HMGCS2: variants seen among roughly 807,000 people sequenced by gnomAD.
HMGCS2 encodes hydroxymethylglutaryl-CoA synthase, mitochondrial.
In HMGCS2, 50 loss-of-function variants were observed where a neutral mutation model predicts 57.4. The ratio of observed to expected loss-of-function variants is 0.87; its 90% CI spans 0.69 to 1.10. The LOEUF (loss-of-function observed/expected upper bound fraction) is 1.10. Among genes scored for constraint, HMGCS2 ranks in the 50% least tolerant of loss-of-function variants. The pLI is 0.00. For synonymous variants in HMGCS2, 254 were observed against 245.1 expected (o/e 1.04, Z -0.34); for missense variants, 627 against 636.5 (o/e 0.99, Z 0.16).
chr1:119,760,468 G>A (rs1653000707), intron 2 of HMGCS2, among the ~76,000 whole-genome samples: 1 of 152,198 alleles, frequency 6.6e-6, no homozygotes, highest in Admixed American at 6.5e-5. Flanking sequence ...GCCTTCCTGA[G>A]AGACTGAGTA....
intron 2 of HMGCS2, among the ~76,000 whole-genome samples, chr1:119,763,854 G>C (rs1467329557): frequency 6.6e-6 from 1 of 152,186 alleles, no homozygotes; most frequent in African/African-American, 2.4e-5. Flanking sequence ...AAATATGTCA[G>C]ATGTGGTTTG....
At chr1:119,761,913 GA>G (rs1653058348) in intron 2 of HMGCS2, among the ~76,000 whole-genome samples, 1 of 152,136 alleles carries the variant, frequency 6.6e-6, no homozygotes, top group Admixed American at 6.6e-5. Context: ...ACAAAGATTA[GA>G]AAGTTTGATA....
At chr1:119,759,563 T>C (rs965721644) in intron 3 of HMGCS2, 2 of 575,136 alleles carry the variant, frequency 3.5e-6, no homozygotes, top group Non-Finnish European at 6.2e-6. Context: ...TATATCCAGT[T>C]ATATATTTTA....
intron 2 of HMGCS2, among the ~76,000 whole-genome samples, chr1:119,761,108 A>G (rs1000438330): frequency 4.7e-5 from 7 of 148,262 alleles, no homozygotes; most frequent in Non-Finnish European, 7.4e-5. Flanking sequence ...TATACAAATA[A>G]TTTATATAAA....
Position 119,764,412 on chromosome 1 carries a change from G to A in HMGCS2, c.319C>T (p.Leu107=). The change falls in exon 2 of 10, where the codon CTG becomes TTG. Residue 107 remains leucine, a synonymous_variant. Coordinates refer to ENST00000369406, the MANE Select transcript of HMGCS2 (RefSeq NM_005518.4). ...SVQEDINSLC[L]TVVQRLMERI... ...TCCATCAGCCGTTGCACCACCGTCA[G>A]GCACAGGGAGTTGATGTCCTCTTGG... 6.2e-7 allele frequency: 1 copy of A among 1,614,268 alleles called. No homozygotes were observed. Among genetic ancestry groups the A allele is most frequent in the Non-Finnish European group, 8.5e-7 (1 of 1,180,048 alleles).
chr1:119,752,677 G>A lies in HMGCS2; in HGVS notation c.1295-3C>T. 6.2e-7 allele frequency: 1 copy of A among 1,614,048 alleles called. No homozygotes were observed. The highest frequency in any genetic ancestry group is 8.5e-7 in the Non-Finnish European group (1 of 1,179,954). ...CACCAACTTGTCCAGGGGAGAGCCT[G>A]GGAAGCAAAAGCAAGATTGTTACAC... On this transcript the variant is annotated splice_region_variant and splice_polypyrimidine_tract_variant and intron_variant, in intron 7 of 9. Coordinates refer to ENST00000369406, the MANE Select transcript of HMGCS2 (RefSeq NM_005518.4).
intron 4 of HMGCS2, 93 bp from the exon 5 acceptor site, chr1:119,757,531 G>A (rs1652889165): frequency 1.3e-6 from 2 of 1,593,542 alleles, no homozygotes; most frequent in Non-Finnish European, 1.7e-6. Context: ...GTTTCTCCAG[G>A]CCTCCCAGGG....
At chr1:119,767,850 C>T (rs1054379581) in intron 1 of HMGCS2, among the ~76,000 whole-genome samples, 4 of 152,154 alleles carry the variant, frequency 2.6e-5, no homozygotes, top group Admixed American at 2.0e-4. Flanking sequence ...ATTTAACCCA[C>T]ATGCAGGGTT....
At chr1:119,768,125 G>T (rs1224230884) in intron 1 of HMGCS2, among the ~76,000 whole-genome samples, 1 of 152,188 alleles carries the variant, frequency 6.6e-6, no homozygotes, top group Non-Finnish European at 1.5e-5. Context: ...GGAGCCTGAG[G>T]CACTAACGAT....
At chr1:119,749,394 C>T (rs967145658) in intron 9 of HMGCS2, among the ~76,000 whole-genome samples, 9 of 132,838 alleles carry the variant, frequency 6.8e-5, no homozygotes. Context: ...CTCCCTTTCC[C>T]CCCTCCCTCC....
At chr1:119,762,518 C>T (rs949062372) in intron 2 of HMGCS2, among the ~76,000 whole-genome samples, 1 of 152,104 alleles carries the variant, frequency 6.6e-6, no homozygotes, top group Non-Finnish European at 1.5e-5. Flanking sequence ...TCTCTTTCCT[C>T]ATCCCCTCCA....
At chr1:119,761,751 C>T (rs587669034) in intron 2 of HMGCS2, among the ~76,000 whole-genome samples, 8 of 150,590 alleles carry the variant, frequency 5.3e-5, no homozygotes, top group South Asian at 2.1e-4. Context: ...GGCAACAGAT[C>T]GAGACTCTGT....
intron 6 of HMGCS2, 61 bp from the exon 7 acceptor site, chr1:119,753,447 A>T: frequency 1.3e-6 from 1 of 775,580 alleles, no homozygotes; most frequent in South Asian, 1.5e-5. Flanking sequence ...ACACACACAC[A>T]TATATGTATA....
chr1:119,752,066 G>A (rs587703355), intron 8 of HMGCS2, among the ~76,000 whole-genome samples: 5 of 152,184 alleles, frequency 3.3e-5, no homozygotes, highest in Admixed American at 1.3e-4. Context: ...AATATTTGTC[G>A]ATAACATATT....
intron 9 of HMGCS2, 136 bp downstream of exon 9, chr1:119,750,661 C>T: frequency 4.3e-6 from 3 of 699,100 alleles, no homozygotes; most frequent in Non-Finnish European, 5.3e-6. Flanking sequence ...ATAATTCTCC[C>T]ATTTCTCCTG....
chr1:119,750,286 C>T (rs143294471), intron 9 of HMGCS2, among the ~76,000 whole-genome samples: 4 of 152,330 alleles, frequency 2.6e-5, no homozygotes, highest in Non-Finnish European at 2.9e-5. Flanking sequence ...TTCTGTTGCT[C>T]ATCAGATCTG....
At chr1:119,751,225 C>T (rs1652648445) in intron 8 of HMGCS2, among the ~76,000 whole-genome samples, 3 of 152,242 alleles carry the variant, frequency 2.0e-5, no homozygotes, top group Admixed American at 2.0e-4. Flanking sequence ...ATAGTTCCTA[C>T]TTTGAGACGT....
In HMGCS2 at chr1:119,764,418, G is replaced by A; in HGVS notation, c.313C>T (p.Leu105=). The change falls in exon 2 of 10, where the codon CTG becomes TTG. Residue 105 remains leucine, a synonymous_variant. Transcript: ENST00000369406. ...FCSVQEDINS[L]CLTVVQRLME... is the part of the protein sequence containing the mutation. Reference sequence around the variant, plus strand: ...AGCCGTTGCACCACCGTCAGGCACAGGGAGTTGATGTCCTCTTGGACTGAG... The same window carrying A: ...AGCCGTTGCACCACCGTCAGGCACAAGGAGTTGATGTCCTCTTGGACTGAG... The A allele has an allele frequency of 1.2e-6, 2 of 1,614,258 alleles. No homozygotes were observed. Among genetic ancestry groups the A allele is most frequent in the Non-Finnish European group, 1.7e-6 (2 of 1,180,042 alleles).
chr1:119,758,207 A>T (rs1255373397), intron 4 of HMGCS2, among the ~76,000 whole-genome samples: 4 of 152,260 alleles, frequency 2.6e-5, no homozygotes, highest in Non-Finnish European at 4.4e-5. Flanking sequence ...ATGTCTTTAA[A>T]GTAGGTTTAA....
Sources: gnomAD v4.1 joint callset for allele counts (sites outside exome capture counted in the v4.1 genomes callset) on GRCh38, gnomAD v4.1.1 for gene constraint, MANE v1.5 for transcripts, NCBI Gene and HGNC (gene_info 2026-07-23, HGNC 2026-07-21) for gene names.